The following FAM184B variants were observed in gnomAD, a reference collection of about 807,000 sequenced individuals.
FAM184B encodes the protein family with sequence similarity 184 member B, also known as protein FAM184B.
A neutral mutation model predicts 135.9 loss-of-function variants in FAM184B; 111 were observed. The ratio of observed to expected loss-of-function variants is 0.82; its 90% confidence interval spans 0.70 to 0.96. The LOEUF is 0.96. FAM184B is among the 40% of genes least tolerant of loss of function. The pLI is 0.00. For missense variants in FAM184B, 1,375 were observed against 1,323.9 expected (o/e 1.04, Z -0.60); for synonymous variants, 552 against 524.8 (o/e 1.05, Z -0.71).
intron 1 of FAM184B, among the ~76,000 whole-genome samples, chr4:17,764,498 C>T (rs1259807295): frequency 3.3e-5 from 5 of 152,198 alleles, no homozygotes; most frequent in Non-Finnish European, 5.9e-5. Context: ...AGGAGTTTTG[C>T]TGGCACACCC....
In FAM184B at chr4:17,709,094, G is replaced by C; in HGVS notation, c.692C>G (p.Ala231Gly). The part of the protein sequence containing the change: ...LQATYERENE[A>G]IRQAMQQSVS... ...CGACTGCTGCATGGCCTGCCGGATGGCCTCGTTTTCCCTCTCGTAGGTGGC... is the reference window on the plus strand; with the variant it reads ...CGACTGCTGCATGGCCTGCCGGATGCCCTCGTTTTCCCTCTCGTAGGTGGC... The change falls in exon 2 of 18, where the codon GCC becomes GGC. Residue 231 changes from alanine (A) to glycine (G), a missense_variant. Coordinates refer to ENST00000265018, the MANE Select transcript of FAM184B (RefSeq NM_015688.2). 1 of 1,549,582 alleles carries C rather than the reference G, an allele frequency of 6.5e-7. No individual in the cohort carries two copies. Among genetic ancestry groups the C allele is most frequent in the Non-Finnish European group, 8.7e-7 (1 of 1,146,936 alleles).
intron 1 of FAM184B, among the ~76,000 whole-genome samples, chr4:17,723,255 A>G (rs1164702626): frequency 6.6e-6 from 1 of 152,146 alleles, no homozygotes; most frequent in African/African-American, 2.4e-5. Context: ...GCAGCAGAGA[A>G]AAATCTCTTT....
chr4:17,762,358 A>G (rs998977272), intron 1 of FAM184B, among the ~76,000 whole-genome samples: 1 of 152,182 alleles, frequency 6.6e-6, no homozygotes, highest in African/African-American at 2.4e-5. Context: ...AATAAGACAC[A>G]CATATTCTCC....
At chr4:17,683,452 G>C (rs181498631) in intron 7 of FAM184B, among the ~76,000 whole-genome samples, 1 of 152,074 alleles carries the variant, frequency 6.6e-6, no homozygotes, top group Non-Finnish European at 1.5e-5. Context: ...ATTATCCTTG[G>C]TGTATAAATG....
intron 1 of FAM184B, among the ~76,000 whole-genome samples, chr4:17,735,388 A>T (rs1257924156): frequency 2.6e-5 from 4 of 152,162 alleles, no homozygotes; most frequent in African/African-American, 7.2e-5. Context: ...AAAAATTTTC[A>T]TTTTTTAAAA....
chr4:17,630,698 T>A lies in FAM184B; in HGVS notation c.*1834A>T, dbSNP rs1379697695. On this transcript the variant is annotated 3_prime_UTR_variant, in exon 18 of 18. Coordinates refer to ENST00000265018, the MANE Select transcript of FAM184B (RefSeq NM_015688.2). ...TATGGTGACAAGTGTTTGTTTGCAT[T>A]TAAAAATGCATTGGAGCCTCGTTTT... 6.6e-6 allele frequency: 1 copy of A among 152,230 alleles called. No homozygotes were observed. The highest frequency in any genetic ancestry group is 1.5e-5 in the Non-Finnish European group (1 of 68,040). The allele number at this position is 152,230 out of a possible 1,614,324, so 9.4% of individuals were successfully genotyped here.
At chr4:17,766,525 C>T (rs528982792) in intron 1 of FAM184B, among the ~76,000 whole-genome samples, 1 of 151,964 alleles carries the variant, frequency 6.6e-6, no homozygotes, top group East Asian at 1.9e-4. Context: ...ATTTACAAAC[C>T]TTGAGCTAGA....
At chr4:17,650,199 T>C (rs1715577606) in intron 11 of FAM184B, among the ~76,000 whole-genome samples, 1 of 151,990 alleles carries the variant, frequency 6.6e-6, no homozygotes, top group African/African-American at 2.4e-5. Context: ...CATCCATCCA[T>C]CCATCCATCT....
intron 9 of FAM184B, 31 bp downstream of exon 9, chr4:17,659,927 A>T: frequency 1.3e-6 from 2 of 1,547,848 alleles, no homozygotes; most frequent in Non-Finnish European, 1.7e-6. Flanking sequence ...GATCTCAGGA[A>T]GGGGGCACAT....
chr4:17,693,409 C>G lies in FAM184B; in HGVS notation c.1381G>C (p.Val461Leu). The G allele has an allele frequency of 3.9e-6, 6 of 1,551,228 alleles. No individual in the cohort carries two copies. The highest frequency in any genetic ancestry group is 5.2e-6 in the Non-Finnish European group (6 of 1,146,646). ...CTCACTTCCTCCAACTGTGCTTCTA[C>G]TTCCTAAATGATGATTGGAAGAGTT... is the stretch of plus-strand genomic sequence containing the variant. ...EAERKKLQRE[V>L]EAQLEEVRKK... The change falls in exon 6 of 18, where the codon GTA (valine) becomes CTA (leucine). Residue 461 changes from valine to leucine, a missense_variant. Val to Leu is a conservative substitution (Grantham distance 32, BLOSUM62 1). Transcript: ENST00000265018.
chr4:17,688,209 T>G (rs1252854770), intron 7 of FAM184B, among the ~76,000 whole-genome samples: 1 of 152,118 alleles, frequency 6.6e-6, no homozygotes, highest in East Asian at 1.9e-4. Context: ...CTTATTCTCT[T>G]TCAAACCATG....
Position 17,633,755 on chromosome 4 carries a change from T to C in FAM184B, c.3023A>G (p.Asp1008Gly), listed in dbSNP as rs1365876869. ...GGTCCGGCCACAGCTGGGGCTTGGGTCCAAGCTGGGTGATGTAGTTATTGG... is the reference window on the plus strand; with the variant it reads ...GGTCCGGCCACAGCTGGGGCTTGGGCCCAAGCTGGGTGATGTAGTTATTGG... Reference protein sequence around the residue: ...APPITTSPSLDPSPSCGRTYK... With the variant: ...APPITTSPSLGPSPSCGRTYK... Residue 1008 changes from aspartate (D) to glycine (G), a missense_variant, in exon 17 of 18, where the codon GAC (aspartate) becomes GGC (glycine). Transcript: ENST00000265018. The C allele has an allele frequency of 6.4e-7, 1 of 1,551,122 alleles. No individual in the cohort carries two copies. The highest frequency in any genetic ancestry group is 8.7e-7 in the Non-Finnish European group (1 of 1,146,794).
At chr4:17,764,327 G>C (rs1289843130) in intron 1 of FAM184B, among the ~76,000 whole-genome samples, 1 of 152,064 alleles carries the variant, frequency 6.6e-6, no homozygotes, top group Non-Finnish European at 1.5e-5. Context: ...GCAGTTTATC[G>C]ATCACCTCTT....
chr4:17,677,515 C>T (rs1716339746), intron 7 of FAM184B, among the ~76,000 whole-genome samples: 1 of 152,104 alleles, frequency 6.6e-6, no homozygotes, highest in Non-Finnish European at 1.5e-5. Context: ...CAATAACAAG[C>T]AGCAAGACTG....
At chr4:17,765,053 C>A (rs1187404256) in intron 1 of FAM184B, among the ~76,000 whole-genome samples, 2 of 152,128 alleles carry the variant, frequency 1.3e-5, no homozygotes, top group African/African-American at 4.8e-5. Context: ...CAGAGCAAGA[C>A]CCTGTCTCAA....
At chr4:17,673,658 C>T (rs998809855) in intron 7 of FAM184B, among the ~76,000 whole-genome samples, 1 of 152,092 alleles carries the variant, frequency 6.6e-6, no homozygotes, top group African/African-American at 2.4e-5. Flanking sequence ...TGAAATAACT[C>T]AGGAATTGGA....
intron 1 of FAM184B, among the ~76,000 whole-genome samples, chr4:17,712,026 G>A (rs1289614159): frequency 2.0e-5 from 3 of 152,226 alleles, no homozygotes; most frequent in Non-Finnish European, 4.4e-5. Flanking sequence ...TGTGGCATCA[G>A]AGGCTGTGTT....
intron 1 of FAM184B, among the ~76,000 whole-genome samples, chr4:17,755,594 A>C (rs1718400434): frequency 6.6e-6 from 1 of 152,256 alleles, no homozygotes. Flanking sequence ...TTTTATTATA[A>C]AGATATGTAC....
chr4:17,712,687 C>T (rs781251722), intron 1 of FAM184B, among the ~76,000 whole-genome samples: 9 of 152,060 alleles, frequency 5.9e-5, no homozygotes, highest in African/African-American at 1.2e-4. Flanking sequence ...GTGGGGAGCC[C>T]CCTATCAACC....
Sources: gnomAD v4.1 joint callset for allele counts (sites outside exome capture counted in the v4.1 genomes callset) on GRCh38, gnomAD v4.1.1 for gene constraint, MANE v1.5 for transcripts, NCBI Gene and HGNC (gene_info 2026-07-23, HGNC 2026-07-21) for gene names.